The following CFAP263 variants were observed in gnomAD, a reference collection of about 807,000 sequenced individuals.
The protein encoded by CFAP263 is cilia and flagella associated protein 263, also known as cilia- and flagella-associated protein 263.
chr16:58,273,942 G>A, the CFAP263 span, among the ~76,000 whole-genome samples: 3 of 152,234 alleles, frequency 2.0e-5, no homozygotes, highest in South Asian at 6.2e-4. Flanking sequence ...CTTAGTCATG[G>A]ATACAATTGC....
chr16:58,269,280 A>C, the CFAP263 span, among the ~76,000 whole-genome samples: 1 of 152,212 alleles, frequency 6.6e-6, no homozygotes, highest in South Asian at 2.1e-4. Flanking sequence ...GCAGTGAGCC[A>C]AGATCGTGCC....
At chr16:58,269,412 AAGGAAGGG>A in the CFAP263 span, among the ~76,000 whole-genome samples, 3 of 151,678 alleles carry the variant, frequency 2.0e-5, no homozygotes, top group South Asian at 4.2e-4. Flanking sequence ...AAAGGAAAGA[AAGGAAGGG>A]AGGAAAGAAA....
chr16:58,267,423 C>A, the CFAP263 span: 1 of 1,162,418 alleles, frequency 8.6e-7, no homozygotes, highest in East Asian at 2.4e-5. Context: ...GTCTCCCCTT[C>A]CTGCGGTTCT....
chr16:58,254,751 C>T, the CFAP263 span, among the ~76,000 whole-genome samples: 7 of 152,056 alleles, frequency 4.6e-5, no homozygotes, highest in East Asian at 1.2e-3. Flanking sequence ...ACTGCAGGCG[C>T]CCGCCACCAC....
the CFAP263 span, chr16:58,282,427 T>C: frequency 1.3e-5 from 2 of 152,422 alleles, no homozygotes; most frequent in South Asian, 4.1e-4. Flanking sequence ...TGAACTACCA[T>C]GCCCAGTGGG....
chr16:58,253,129 G>A, the CFAP263 span, among the ~76,000 whole-genome samples: 1 of 152,196 alleles, frequency 6.6e-6, no homozygotes, highest in Non-Finnish European at 1.5e-5. Flanking sequence ...GCCTGTCCCA[G>A]TGCTTTGGGA....
the CFAP263 span, among the ~76,000 whole-genome samples, chr16:58,251,543 C>T: frequency 5.9e-5 from 9 of 152,266 alleles, no homozygotes; most frequent in Admixed American, 2.0e-4. Flanking sequence ...AGGCACCTGC[C>T]ACCACACCCA....
At chr16:58,280,772 A>T in the CFAP263 span, 1 of 1,584,386 alleles carries the variant, frequency 6.3e-7, no homozygotes, top group Non-Finnish European at 8.6e-7. Flanking sequence ...GATAAAAGAC[A>T]GAAGGCTTCA....
the CFAP263 span, among the ~76,000 whole-genome samples, chr16:58,257,403 A>C: frequency 6.6e-6 from 1 of 152,012 alleles, no homozygotes; most frequent in South Asian, 2.1e-4. Flanking sequence ...ACGTCAATAC[A>C]TATTTTCATT....
chr16:58,280,257 G>A, the CFAP263 span: 102 of 1,613,490 alleles, frequency 6.3e-5, no homozygotes, highest in Non-Finnish European at 8.4e-5. Flanking sequence ...CAAGCACGAA[G>A]GAAACCAAGA....
the CFAP263 span, among the ~76,000 whole-genome samples, chr16:58,250,810 C>T: frequency 2.0e-5 from 3 of 150,864 alleles, no homozygotes; most frequent in African/African-American, 7.3e-5. Flanking sequence ...AACACGGCAG[C>T]AGAATAGAAA....
At chr16:58,261,303 A>G in the CFAP263 span, among the ~76,000 whole-genome samples, 1 of 152,154 alleles carries the variant, frequency 6.6e-6, no homozygotes, top group African/African-American at 2.4e-5. Context: ...GCGCAAGAAA[A>G]AATTCTGCCG....
At chr16:58,276,932 G>A in the CFAP263 span, among the ~76,000 whole-genome samples, 3 of 152,130 alleles carry the variant, frequency 2.0e-5, no homozygotes, top group African/African-American at 7.2e-5. Context: ...TCAAAAAAAG[G>A]AAACATGTTT....
the CFAP263 span, among the ~76,000 whole-genome samples, chr16:58,274,114 A>G: frequency 2.0e-5 from 3 of 152,236 alleles, no homozygotes; most frequent in Non-Finnish European, 4.4e-5. Flanking sequence ...ACCCTGAGAC[A>G]TTAATTGTTT....
the CFAP263 span, among the ~76,000 whole-genome samples, chr16:58,260,910 A>G: frequency 1.3e-5 from 2 of 152,182 alleles, no homozygotes; most frequent in African/African-American, 4.8e-5. Context: ...GTTCAGGTAC[A>G]GGATGGCTTA....
At chr16:58,266,634 G>T in the CFAP263 span, among the ~76,000 whole-genome samples, 1 of 151,692 alleles carries the variant, frequency 6.6e-6, no homozygotes, top group African/African-American at 2.4e-5. Context: ...GGTTTTCAGG[G>T]TTTGTTGAGC....
the CFAP263 span, among the ~76,000 whole-genome samples, chr16:58,258,855 G>A: frequency 6.6e-6 from 1 of 152,068 alleles, no homozygotes; most frequent in East Asian, 1.9e-4. Context: ...GTTTGTGCCT[G>A]TAATCCCAGC....
the CFAP263 span, chr16:58,281,814 C>T: frequency 2.0e-5 from 3 of 151,886 alleles, no homozygotes; most frequent in Non-Finnish European, 2.9e-5. Flanking sequence ...CCTTACCATC[C>T]GAGACCTGGG....
At chr16:58,273,515 G>T in the CFAP263 span, among the ~76,000 whole-genome samples, 1 of 152,210 alleles carries the variant, frequency 6.6e-6, no homozygotes, top group Admixed American at 6.5e-5. Context: ...AAAGATTCCA[G>T]ATTTTCTATG....
Sources: allele counts gnomAD v4.1 joint callset (sites outside exome capture counted in the v4.1 genomes callset), GRCh38; gene constraint gnomAD v4.1.1; transcripts MANE v1.5; gene names NCBI Gene and HGNC (gene_info 2026-07-23, HGNC 2026-07-21).